Variants in PIK3C2B observed in about 807,000 individuals in gnomAD.
PIK3C2B encodes the protein phosphatidylinositol-4-phosphate 3-kinase catalytic subunit type 2 beta.
A neutral mutation model predicts 184.3 loss-of-function variants in PIK3C2B; 83 were observed. That is an observed-to-expected ratio of 0.45 (90% CI 0.38 to 0.54). PIK3C2B has a LOEUF of 0.54. PIK3C2B is among the 20% of genes least tolerant of loss of function. The probability of loss-of-function intolerance (pLI) is 0.00; values close to 1 mark genes in which losing one functional copy is unlikely to be tolerated. For missense variants in PIK3C2B, 1,736 were observed against 2,113.5 expected (o/e 0.82, Z 3.50); for synonymous variants, 779 against 837.6 (o/e 0.93, Z 1.21).
At chr1:204,454,924 T>C in intron 11 of PIK3C2B, 133 bp from the exon 12 acceptor site, 1 of 976,316 alleles carries the variant, frequency 1.0e-6, no homozygotes, top group Non-Finnish European at 1.5e-6. Flanking sequence ...ACACAGGATC[T>C]CCGGATAGGA....
intron 1 of PIK3C2B, among the ~76,000 whole-genome samples, chr1:204,491,581 T>C (rs1357008828): frequency 6.6e-6 from 1 of 151,922 alleles, no homozygotes; most frequent in East Asian, 1.9e-4. Context: ...TAGTCCAAGC[T>C]ACTCAGGGTG....
Position 204,482,235 on chromosome 1 carries a change from TG to T in PIK3C2B, c.-85+12120del, listed in dbSNP as rs755620542. 5.1e-4 allele frequency among the ~76,000 whole-genome samples: 78 copies of T among 151,968 alleles called. 1 individual carries two copies. Among genetic ancestry groups the T allele is most frequent in the Non-Finnish European group, 1.0e-3 (68 of 67,996 alleles). On this transcript the variant is annotated intron_variant, in intron 1 of 32. Coordinates refer to ENST00000684373, the MANE Select transcript of PIK3C2B (RefSeq NM_001377334.1). ...GTACAGTCCCCACAATGCTGCCCAC[TG>T]GGCAGCCTGCCCCTTTAAGGCACTG...
intron 5 of PIK3C2B, 27 bp from the exon 6 acceptor site, chr1:204,460,688 T>G: frequency 7.1e-7 from 1 of 1,413,670 alleles, no homozygotes; most frequent in Non-Finnish European, 1.0e-6. Context: ...ACAAGACCAT[T>G]AGCATCCTGG....
chr1:204,489,566 C>T (rs1317483413), intron 1 of PIK3C2B, among the ~76,000 whole-genome samples: 1 of 151,958 alleles, frequency 6.6e-6, no homozygotes. Context: ...TCCCAGGATC[C>T]CAAAACAACC....
chr1:204,456,445 T>C (rs1044447029), intron 10 of PIK3C2B, among the ~76,000 whole-genome samples: 2 of 152,168 alleles, frequency 1.3e-5, no homozygotes, highest in African/African-American at 4.8e-5. Flanking sequence ...GACATTTTAC[T>C]GGTCTATGAA....
At chr1:204,464,894 A>G (rs1655625567) in intron 3 of PIK3C2B, among the ~76,000 whole-genome samples, 1 of 152,112 alleles carries the variant, frequency 6.6e-6, no homozygotes, top group Admixed American at 6.5e-5. Context: ...TTATGAATCC[A>G]TTTCCTTTCT....
intron 2 of PIK3C2B, among the ~76,000 whole-genome samples, chr1:204,468,129 G>T (rs1338705833): frequency 2.6e-5 from 4 of 152,204 alleles, no homozygotes; most frequent in Admixed American, 6.5e-5. Context: ...AGAATGAGTA[G>T]AGATGAATAA....
chr1:204,474,476 T>C (rs1656562611), intron 1 of PIK3C2B, among the ~76,000 whole-genome samples: 1 of 152,202 alleles, frequency 6.6e-6, no homozygotes, highest in Non-Finnish European at 1.5e-5. Flanking sequence ...CCCATTTCCG[T>C]AGCCATTTCC....
chr1:204,453,482 A>G (rs963562039), intron 12 of PIK3C2B, among the ~76,000 whole-genome samples: 1 of 152,224 alleles, frequency 6.6e-6, no homozygotes, highest in South Asian at 2.1e-4. Context: ...TCTGAGTGAA[A>G]CCAATGTCCC....
chr1:204,493,850 G>A (rs1225771401), intron 1 of PIK3C2B, among the ~76,000 whole-genome samples: 35 of 152,214 alleles, frequency 2.3e-4, no homozygotes, highest in Non-Finnish European at 1.8e-4. Context: ...TCCTTTTGCT[G>A]CAGTATCCTT....
chr1:204,442,837 T>C (rs1675743660), intron 19 of PIK3C2B, among the ~76,000 whole-genome samples: 1 of 151,810 alleles, frequency 6.6e-6, no homozygotes, highest in African/African-American at 2.4e-5. Flanking sequence ...ACCAAATAGC[T>C]CTAGAGGGGA....
intron 30 of PIK3C2B, 38 bp downstream of exon 30, chr1:204,428,101 G>A (rs1674845291): frequency 8.1e-7 from 1 of 1,232,070 alleles, no homozygotes; most frequent in African/African-American, 1.5e-5. Context: ...GGGTAGTTCA[G>A]AGGAGTTGGC....
At chr1:204,442,706 G>A in intron 19 of PIK3C2B, 73 bp from the exon 20 acceptor site, 1 of 1,046,410 alleles carries the variant, frequency 9.6e-7, no homozygotes, top group South Asian at 1.4e-5. Flanking sequence ...TCTCCCAGGG[G>A]TGGGTTCTCC....
chr1:204,435,340 G>T (rs1024709732), intron 23 of PIK3C2B: 1 of 152,014 alleles, frequency 6.6e-6, no homozygotes, highest in Non-Finnish European at 1.5e-5. Flanking sequence ...TTTCCAGAAA[G>T]AAAAACTACA....
At chr1:204,454,952 A>G (rs1054728047) in intron 11 of PIK3C2B, among the ~76,000 whole-genome samples, 161 bp from the exon 12 acceptor site, 1 of 152,216 alleles carries the variant, frequency 6.6e-6, no homozygotes, top group Non-Finnish European at 1.5e-5. Context: ...ACTGGATGTA[A>G]GGAAATGTGC....
Position 204,448,420 on chromosome 1 carries a change from T to C in PIK3C2B, c.2346+765A>G, listed in dbSNP as rs61762620. Among the ~76,000 whole-genome samples, 1,118 of 152,256 alleles carry C rather than the reference T, an allele frequency of 7.3e-3. 12 individuals are homozygous for C. The highest frequency in any genetic ancestry group is 0.025 in the African/African-American group (1,042 of 41,528). The stretch of plus-strand genomic sequence containing the variant: ...CCCAGCCTCATTCAACAAATATCTA[T>C]TGAATCCTAACATGTGCCAGGCATT... On this transcript the variant is annotated intron_variant, in intron 14 of 32. Transcript: ENST00000684373.
Position 204,440,788 on chromosome 1 carries a change from T to C in PIK3C2B, c.3250-467A>G, listed in dbSNP as rs190897742. On this transcript the variant is annotated intron_variant, in intron 21 of 32. Coordinates refer to ENST00000684373, the MANE Select transcript of PIK3C2B (RefSeq NM_001377334.1). ...ATTTATATATATATATATATATATA[T>C]TTTTAGTAGAGATGGGGTCTCACCA... Among the ~76,000 whole-genome samples, 9 of 148,734 alleles carry C rather than the reference T, an allele frequency of 6.1e-5. 1 individual carries two copies. The East Asian group carries it at 1.8e-3, about 29-fold the overall frequency.
At chr1:204,449,043 AG>A in intron 14 of PIK3C2B, 141 bp downstream of exon 14, 1 of 649,258 alleles carries the variant, frequency 1.5e-6, no homozygotes, top group Non-Finnish European at 2.8e-6. Flanking sequence ...ATATTCCCTC[AG>A]TTGCTTCAGT....
At chr1:204,464,718 C>A (rs986791811) in intron 3 of PIK3C2B, 114 bp from the exon 4 acceptor site, 7 of 989,614 alleles carry the variant, frequency 7.1e-6, no homozygotes, top group Non-Finnish European at 1.0e-5. Flanking sequence ...CCCACTCAGC[C>A]CAGCCCTCCA....
Sources: gnomAD v4.1 joint callset for allele counts (sites outside exome capture counted in the v4.1 genomes callset) on GRCh38, gnomAD v4.1.1 for gene constraint, MANE v1.5 for transcripts, NCBI Gene and HGNC (gene_info 2026-07-23, HGNC 2026-07-21) for gene names.